Variants in KPLCE observed in about 807,000 individuals in gnomAD.
KPLCE encodes the protein KPRP N-terminal and LCE C-terminal like protein.
At chr1:152,720,244 C>T in the KPLCE span, 3 of 1,549,758 alleles carry the variant, frequency 1.9e-6, no homozygotes, top group Admixed American at 2.0e-5. Flanking sequence ...GTCCTGCATG[C>T]TGTGACCATG....
chr1:152,720,359 G>A, the KPLCE span: 1 of 1,127,548 alleles, frequency 8.9e-7, no homozygotes, highest in Admixed American at 2.5e-5. Context: ...CTCTGTTAGT[G>A]CCAGTGATGT....
the KPLCE span, chr1:152,720,409 C>A: frequency 5.4e-6 from 4 of 747,080 alleles, no homozygotes; most frequent in Non-Finnish European, 6.5e-6. Context: ...GCTTCTCTAC[C>A]AAGGCAGCCT....
the KPLCE span, chr1:152,720,386 G>C: frequency 0.34 from 316,818 of 922,416 alleles, 57,024 homozygotes; most frequent in African/African-American, 0.5. Flanking sequence ...TCATCACTTT[G>C]CCTCTGTGCT....
At chr1:152,719,916 G>A in the KPLCE span, 6 of 1,552,232 alleles carry the variant, frequency 3.9e-6, no homozygotes, top group Non-Finnish European at 4.4e-6. Flanking sequence ...ACCCAGACGT[G>A]CTATGTCCAG....
chr1:152,719,832 C>T, the KPLCE span: 4 of 1,551,478 alleles, frequency 2.6e-6, no homozygotes, highest in Non-Finnish European at 3.5e-6. Context: ...AAATGCCCAA[C>T]TCCCTGCCAA....
chr1:152,719,914 G>C, the KPLCE span: 3 of 1,552,222 alleles, frequency 1.9e-6, no homozygotes, highest in Non-Finnish European at 1.7e-6. Flanking sequence ...AGACCCAGAC[G>C]TGCTATGTCC....
At chr1:152,719,954 G>A in the KPLCE span, 3 of 1,551,900 alleles carry the variant, frequency 1.9e-6, no homozygotes, top group Admixed American at 3.9e-5. Flanking sequence ...GAGCTATTAT[G>A]TTCAAGCTCC....
At chr1:152,719,885 A>T in the KPLCE span, 1 of 1,552,258 alleles carries the variant, frequency 6.4e-7, no homozygotes, top group East Asian at 2.4e-5. Context: ...GACCTACATC[A>T]AAAGTCCAGC....
At chr1:152,719,695 C>T in the KPLCE span, 3 of 1,552,206 alleles carry the variant, frequency 1.9e-6, no homozygotes, top group African/African-American at 1.4e-5. Context: ...ATGTGAAGTA[C>T]CAAGTTCCAT....
the KPLCE span, chr1:152,720,451 ATGAATAAAGCTC>A: frequency 1.5e-5 from 9 of 596,716 alleles, no homozygotes; most frequent in East Asian, 2.5e-4. Flanking sequence ...AAACTTTGGC[ATGAATAAAGCTC>A]TGAATGCATT....
chr1:152,719,921 G>A, the KPLCE span: 4 of 1,552,080 alleles, frequency 2.6e-6, no homozygotes, highest in Middle Eastern at 1.7e-4. Flanking sequence ...GACGTGCTAT[G>A]TCCAGGGTGC....
the KPLCE span, chr1:152,720,333 C>T: frequency 3.0e-6 from 4 of 1,349,332 alleles, no homozygotes; most frequent in Non-Finnish European, 4.0e-6. Context: ...GAACATGCAC[C>T]AGCTTCTGGC....
At chr1:152,720,195 G>A in the KPLCE span, 12 of 1,551,710 alleles carry the variant, frequency 7.7e-6, no homozygotes, top group South Asian at 1.1e-4. Context: ...GGCAGCTCTG[G>A]GTGCTGCTGT....
At chr1:152,719,810 A>G in the KPLCE span, 5 of 1,551,636 alleles carry the variant, frequency 3.2e-6, no homozygotes, top group South Asian at 6.0e-5. Flanking sequence ...TCCCTGCCAG[A>G]CAACCTATGT....
At chr1:152,720,236 C>G in the KPLCE span, 1 of 1,551,076 alleles carries the variant, frequency 6.4e-7, no homozygotes. Flanking sequence ...GTCCCGAGGT[C>G]CTGCATGCTG....
chr1:152,720,068 C>G, the KPLCE span: 2 of 1,551,754 alleles, frequency 1.3e-6, no homozygotes, highest in Non-Finnish European at 1.7e-6. Flanking sequence ...GGTGAGTCCC[C>G]TGAGACGCTG....
chr1:152,719,765 C>T, the KPLCE span: 1 of 1,552,044 alleles, frequency 6.4e-7, no homozygotes, highest in East Asian at 2.4e-5. Flanking sequence ...TGTGAAATAC[C>T]CAACACCCTG....
the KPLCE span, chr1:152,720,090 C>T: frequency 3.2e-6 from 5 of 1,551,720 alleles, no homozygotes; most frequent in East Asian, 2.4e-5. Context: ...ATTCAGCGGC[C>T]CCAGAACTGC....
the KPLCE span, chr1:152,719,913 C>T: frequency 2.7e-5 from 42 of 1,552,114 alleles, no homozygotes; most frequent in South Asian, 5.9e-5. Flanking sequence ...CAGACCCAGA[C>T]GTGCTATGTC....
Sources: allele counts gnomAD v4.1 joint callset, GRCh38; gene constraint gnomAD v4.1.1; transcripts MANE v1.5; gene names NCBI Gene and HGNC (gene_info 2026-07-23, HGNC 2026-07-21).